MMP16: variants seen among roughly 807,000 people sequenced by gnomAD.
MMP16 encodes the protein matrix metallopeptidase 16.
In MMP16, 12 loss-of-function variants were observed where a neutral mutation model predicts 67.8. That is an observed-to-expected ratio of 0.18 (90% confidence interval 0.11 to 0.29). MMP16 has a LOEUF of 0.29. Among genes scored for constraint, MMP16 ranks in the 10% least tolerant of loss-of-function variants. The pLI, the probability that MMP16 is intolerant of heterozygous loss-of-function variation, is 1.00. For synonymous variants in MMP16, 249 were observed against 255.9 expected, an observed-to-expected ratio of 0.97 and a Z score of 0.26; for missense variants, 475 against 765.7, an observed-to-expected ratio of 0.62 and a Z score of 4.48.
chr8:88,179,656 T>C (rs1239986787), intron 3 of MMP16, among the ~76,000 whole-genome samples: 1 of 152,134 alleles, frequency 6.6e-6, no homozygotes, highest in Non-Finnish European at 1.5e-5. Flanking sequence ...ATAAATAAAA[T>C]GAATAATGAG....
chr8:88,151,812 G>A (rs1303582303), intron 4 of MMP16, among the ~76,000 whole-genome samples: 1 of 142,764 alleles, frequency 7.0e-6, no homozygotes, highest in Admixed American at 7.1e-5. Flanking sequence ...AACTAGAAAA[G>A]CAAGAGCAAA....
intron 1 of MMP16, among the ~76,000 whole-genome samples, chr8:88,281,792 T>C (rs911443722): frequency 5.9e-5 from 9 of 152,240 alleles, no homozygotes; most frequent in African/African-American, 1.9e-4. Flanking sequence ...CCATGCTACA[T>C]GTTAACCTAG....
intron 4 of MMP16, among the ~76,000 whole-genome samples, chr8:88,162,079 T>C (rs1378467870): frequency 6.6e-6 from 1 of 152,212 alleles, no homozygotes; most frequent in East Asian, 1.9e-4. Flanking sequence ...TTAATGTTCA[T>C]GATCCATTTA....
intron 4 of MMP16, among the ~76,000 whole-genome samples, chr8:88,146,801 A>C (rs932857656): frequency 6.6e-6 from 1 of 151,572 alleles, no homozygotes. Flanking sequence ...AAAAAAAAAA[A>C]CTATTTGGTA....
At chr8:88,054,513 C>T (rs1452775228) in intron 8 of MMP16, among the ~76,000 whole-genome samples, 1 of 152,144 alleles carries the variant, frequency 6.6e-6, no homozygotes, top group Non-Finnish European at 1.5e-5. Flanking sequence ...AGAGTCATTA[C>T]ACTTTTTGGG....
intron 1 of MMP16, among the ~76,000 whole-genome samples, chr8:88,311,623 A>C (rs1252845137): frequency 2.0e-5 from 3 of 152,206 alleles, no homozygotes; most frequent in African/African-American, 7.2e-5. Flanking sequence ...TGAATTTCTA[A>C]ATAAGTATTT....
At chr8:88,129,921 C>T (rs576779851) in intron 4 of MMP16, among the ~76,000 whole-genome samples, 3 of 151,692 alleles carry the variant, frequency 2.0e-5, no homozygotes, top group East Asian at 3.9e-4. Flanking sequence ...GTTGGCCTAT[C>T]GAGTGATTAC....
intron 7 of MMP16, among the ~76,000 whole-genome samples, chr8:88,068,727 A>G (rs934164405): frequency 3.3e-5 from 5 of 151,978 alleles, no homozygotes; most frequent in Non-Finnish European, 7.4e-5. Flanking sequence ...TTTGAGACAG[A>G]GTCTTGCTCT....
chr8:88,113,749 T>A (rs773483822), intron 6 of MMP16, among the ~76,000 whole-genome samples: 13 of 151,950 alleles, frequency 8.6e-5, no homozygotes, highest in Non-Finnish European at 1.8e-4. Flanking sequence ...GTGGAACATC[T>A]GTATGAAGCC....
chr8:88,099,493 A>G (rs1809096017), intron 6 of MMP16, among the ~76,000 whole-genome samples: 1 of 151,892 alleles, frequency 6.6e-6, no homozygotes, highest in African/African-American at 2.4e-5. Context: ...CAGTTCAGCT[A>G]TTTTGAAACA....
rs79729324 is a variant in MMP16, at chr8:88,155,521, T to C, written c.709+12148A>G. Among the ~76,000 whole-genome samples the C allele has an allele frequency of 3.7e-3, 569 of 152,208 alleles. 6 individuals are homozygous for C. The highest frequency in any genetic ancestry group is 0.012 in the African/African-American group (498 of 41,558). On this transcript the variant is annotated intron_variant, in intron 4 of 9. Coordinates refer to ENST00000286614, the MANE Select transcript of MMP16 (RefSeq NM_005941.5). ...ACTACTGTCTCATTTTAGAATTGGA[T>C]ATTTTTGCTATTATCTGTTTGCTTA... is the stretch of plus-strand genomic sequence containing the variant.
chr8:88,241,795 GTAAT>G (rs1463416957), intron 1 of MMP16, among the ~76,000 whole-genome samples: 14 of 152,130 alleles, frequency 9.2e-5, no homozygotes, highest in African/African-American at 3.4e-4. Context: ...TCAAATCAGA[GTAAT>G]TAGTGTATTC....
At chr8:88,322,071 C>A (rs1811468386) in intron 1 of MMP16, among the ~76,000 whole-genome samples, 1 of 151,970 alleles carries the variant, frequency 6.6e-6, no homozygotes, top group Admixed American at 6.6e-5. Flanking sequence ...TGTTGTTGTT[C>A]AGAATCTGAG....
At chr8:88,247,836 G>A (rs995802982) in intron 1 of MMP16, among the ~76,000 whole-genome samples, 1 of 151,912 alleles carries the variant, frequency 6.6e-6, no homozygotes, top group Non-Finnish European at 1.5e-5. Flanking sequence ...AACAGTGTAG[G>A]GGAATCTGGC....
chr8:88,296,249 G>T (rs527944973), intron 1 of MMP16, among the ~76,000 whole-genome samples: 2 of 152,128 alleles, frequency 1.3e-5, no homozygotes, highest in East Asian at 3.9e-4. Flanking sequence ...AATAATATCT[G>T]TAATAAAATG....
intron 7 of MMP16, 55 bp from the exon 8 acceptor site, chr8:88,056,333 T>A (rs764698471): frequency 2.2e-6 from 2 of 910,492 alleles, no homozygotes; most frequent in Non-Finnish European, 3.0e-6. Flanking sequence ...ATAATTAGAA[T>A]ATATCTATTA....
chr8:88,237,752 A>G (rs1809968289), intron 1 of MMP16, among the ~76,000 whole-genome samples: 1 of 152,202 alleles, frequency 6.6e-6, no homozygotes, highest in African/African-American at 2.4e-5. Context: ...TGAGGCTATT[A>G]TTGGTGATTT....
chr8:88,292,233 C>T (rs905520027), intron 1 of MMP16, among the ~76,000 whole-genome samples: 9 of 152,170 alleles, frequency 5.9e-5, no homozygotes, highest in Non-Finnish European at 8.8e-5. Context: ...TCAAACCTCT[C>T]TGTGTTAATT....
intron 1 of MMP16, among the ~76,000 whole-genome samples, chr8:88,273,225 C>T (rs1810594037): frequency 6.7e-6 from 1 of 148,990 alleles, no homozygotes; most frequent in African/African-American, 2.5e-5. Flanking sequence ...GCTGGGGCTA[C>T]AGGCACGTGC....
Sources: allele counts gnomAD v4.1 joint callset (sites outside exome capture counted in the v4.1 genomes callset), GRCh38; gene constraint gnomAD v4.1.1; transcripts MANE v1.5; gene names NCBI Gene and HGNC (gene_info 2026-07-23, HGNC 2026-07-21).